Variants in NAV3 observed in about 807,000 individuals in gnomAD.
NAV3 encodes the protein pore membrane and/or filament interacting like protein 1.
A neutral mutation model predicts 244.7 loss-of-function variants in NAV3; 87 were observed. That is an observed-to-expected ratio of 0.36 (90% CI 0.30 to 0.42). NAV3 has a LOEUF of 0.42. Ranked by LOEUF, NAV3 falls within the 20% of genes least tolerant of loss-of-function variation. The probability of loss-of-function intolerance (pLI) is 1.00; values close to 1 mark genes in which losing one functional copy is unlikely to be tolerated. For synonymous variants in NAV3, 1,126 were observed against 1,042.2 expected (o/e 1.08, Z -1.55); for missense variants, 2,663 against 2,893.3 (o/e 0.92, Z 1.83).
chr12:78,014,207 C>T (rs1875795771), intron 8 of NAV3, among the ~76,000 whole-genome samples: 1 of 152,070 alleles, frequency 6.6e-6, no homozygotes, highest in African/African-American at 2.4e-5. Flanking sequence ...ATAATGCTTA[C>T]CCAGAGTTAT....
At chr12:78,030,993 A>G (rs947675874) in intron 9 of NAV3, among the ~76,000 whole-genome samples, 4 of 152,108 alleles carry the variant, frequency 2.6e-5, no homozygotes, top group Non-Finnish European at 5.9e-5. Context: ...CTTCAACACT[A>G]TTGTTATTGT....
chr12:77,941,911 G>A (rs1041946835), intron 3 of NAV3, among the ~76,000 whole-genome samples: 18 of 152,220 alleles, frequency 1.2e-4, no homozygotes, highest in Middle Eastern at 3.4e-3. Flanking sequence ...GCACAGAATA[G>A]GCATTTTAAA....
chr12:78,147,787 G>C (rs1021229160), intron 21 of NAV3, among the ~76,000 whole-genome samples: 1 of 152,072 alleles, frequency 6.6e-6, no homozygotes, highest in African/African-American at 2.4e-5. Flanking sequence ...ACTATGTCAA[G>C]AATTCTCTTT....
chr12:78,153,509 G>A (rs1382024690), intron 22 of NAV3, among the ~76,000 whole-genome samples: 1 of 152,024 alleles, frequency 6.6e-6, no homozygotes, highest in Admixed American at 6.6e-5. Flanking sequence ...CTAAATAAAT[G>A]GTAATAGCAA....
intron 2 of NAV3, among the ~76,000 whole-genome samples, chr12:77,817,601 T>A (rs1017675376): frequency 5.3e-5 from 8 of 151,980 alleles, no homozygotes; most frequent in Middle Eastern, 3.4e-3. Context: ...TAGCAAAGCA[T>A]TTTCTTCTTT....
rs370063853 is a variant in NAV3, at chr12:78,006,834, T to C, written c.1296T>C (p.Ser432=). ...EMEGFNSGLN[S]GGSTNSSPKV... ...AAGGTTTTAACAGTGGTCTGAATAG[T>C]GGTGGCTCAACAAATAGCAGTCCCA... Residue 432 remains serine (S), a synonymous_variant, in exon 8 of 40, where the codon AGT becomes AGC. Coordinates refer to ENST00000397909, the MANE Select transcript of NAV3 (RefSeq NM_001024383.2). The C allele has an allele frequency of 4.3e-6, 7 of 1,614,058 alleles. No individual in the cohort carries two copies. The highest frequency in any genetic ancestry group is 1.3e-5 in the African/African-American group (1 of 74,918).
At chr12:77,970,290 G>A (rs916794730) in intron 5 of NAV3, among the ~76,000 whole-genome samples, 8 of 152,090 alleles carry the variant, frequency 5.3e-5, no homozygotes, top group Non-Finnish European at 1.0e-4. Context: ...CTTGAGTTTG[G>A]TAATTAGAAA....
At chr12:77,986,805 C>T (rs1870591910) in intron 5 of NAV3, among the ~76,000 whole-genome samples, 1 of 152,008 alleles carries the variant, frequency 6.6e-6, no homozygotes, top group Admixed American at 6.6e-5. Flanking sequence ...CATTCTAATT[C>T]CTGTTGAACA....
At chr12:77,947,092 A>G (rs1390198696) in intron 3 of NAV3, among the ~76,000 whole-genome samples, 1 of 152,076 alleles carries the variant, frequency 6.6e-6, no homozygotes, top group African/African-American at 2.4e-5. Context: ...TGTTGTTTAC[A>G]ATTTGCTGAT....
intron 2 of NAV3, among the ~76,000 whole-genome samples, chr12:77,726,343 A>G (rs1876878166): frequency 6.6e-6 from 1 of 151,952 alleles, no homozygotes; most frequent in Admixed American, 6.6e-5. Flanking sequence ...CATTCACCTA[A>G]CATTGGCCAC....
At chr12:78,161,697 T>G (rs567283387) in intron 23 of NAV3, among the ~76,000 whole-genome samples, 1 of 152,244 alleles carries the variant, frequency 6.6e-6, no homozygotes, top group Admixed American at 6.5e-5. Context: ...TCCTTATCAC[T>G]TTTTTAACTG....
At chr12:77,852,919 G>A (rs1877769177) in intron 1 of NAV3, among the ~76,000 whole-genome samples, 1 of 152,154 alleles carries the variant, frequency 6.6e-6, no homozygotes, top group Admixed American at 6.5e-5. Flanking sequence ...GGGGATTTAT[G>A]AATAATGACA....
chr12:77,743,243 C>A (rs540920004), intron 2 of NAV3, among the ~76,000 whole-genome samples: 1 of 151,910 alleles, frequency 6.6e-6, no homozygotes, highest in African/African-American at 2.4e-5. Context: ...ATATAACATA[C>A]GAAATATGTG....
intron 1 of NAV3, among the ~76,000 whole-genome samples, chr12:77,930,521 A>T (rs1888681548): frequency 6.6e-6 from 1 of 151,970 alleles, no homozygotes; most frequent in Non-Finnish European, 1.5e-5. Context: ...CACACAGTGC[A>T]TCAGATTTAT....
intron 2 of NAV3, among the ~76,000 whole-genome samples, chr12:77,636,615 A>G (rs1416347673): frequency 6.6e-6 from 1 of 152,150 alleles, no homozygotes; most frequent in Non-Finnish European, 1.5e-5. Flanking sequence ...AGAACTAGAA[A>G]TACCATTTGA....
intron 35 of NAV3, 61 bp downstream of exon 35, chr12:78,197,462 C>T: frequency 7.5e-7 from 1 of 1,326,882 alleles, no homozygotes; most frequent in Non-Finnish European, 1.0e-6. Context: ...AATTTGCCTT[C>T]TTGTACCTGT....
intron 3 of NAV3, among the ~76,000 whole-genome samples, chr12:77,945,840 C>T (rs1307620115): frequency 1.3e-5 from 2 of 151,770 alleles, no homozygotes; most frequent in African/African-American, 2.4e-5. Flanking sequence ...CTCCACCTCC[C>T]GAGTTCAAGC....
intron 39 of NAV3, among the ~76,000 whole-genome samples, chr12:78,209,166 A>G (rs1186615804): frequency 6.6e-6 from 1 of 152,176 alleles, no homozygotes; most frequent in African/African-American, 2.4e-5. Flanking sequence ...AATGATTTCA[A>G]ATTATGCTGT....
chr12:77,974,195 G>C (rs4261330), intron 5 of NAV3, among the ~76,000 whole-genome samples: 45,696 of 151,808 alleles, frequency 0.3, 7,114 homozygotes, highest in African/African-American at 0.39. Flanking sequence ...GAGTGATAAA[G>C]ACTTGATTAA....
Sources: gnomAD v4.1 joint callset for allele counts (sites outside exome capture counted in the v4.1 genomes callset) on GRCh38, gnomAD v4.1.1 for gene constraint, MANE v1.5 for transcripts, NCBI Gene and HGNC (gene_info 2026-07-23, HGNC 2026-07-21) for gene names.